Variants in TTLL5 observed in about 807,000 individuals in gnomAD.
TTLL5 encodes the protein tubulin polyglutamylase TTLL5.
Under a neutral mutation model 168.4 loss-of-function variants are expected in TTLL5, and 132 were observed. That is an observed-to-expected ratio of 0.78 (90% CI 0.68 to 0.91). The LOEUF (loss-of-function observed/expected upper bound fraction) is 0.91. Among genes scored for constraint, TTLL5 ranks in the 40% least tolerant of loss-of-function variants. TTLL5 has a pLI of 0.00. For missense variants in TTLL5, 1,545 were observed against 1,581.5 expected (o/e 0.98, Z 0.39); for synonymous variants, 546 against 558.6 (o/e 0.98, Z 0.32).
intron 28 of TTLL5, among the ~76,000 whole-genome samples, chr14:75,856,645 G>A (rs1487240068): frequency 2.2e-5 from 1 of 45,788 alleles, no homozygotes; most frequent in Non-Finnish European, 4.4e-5. Context: ...TTTTTTTTTT[G>A]AGACAGAGTC....
At chr14:75,751,609 C>T (rs1889957783) in intron 17 of TTLL5, among the ~76,000 whole-genome samples, 1 of 152,092 alleles carries the variant, frequency 6.6e-6, no homozygotes, top group South Asian at 2.1e-4. Flanking sequence ...TGGAATTTTC[C>T]ATGTAATATT....
intron 27 of TTLL5, among the ~76,000 whole-genome samples, chr14:75,813,139 A>G (rs1282259604): frequency 1.3e-5 from 2 of 152,108 alleles, no homozygotes; most frequent in Non-Finnish European, 1.5e-5. Context: ...ACCTGTCTTG[A>G]AGACTAAGTA....
chr14:75,766,986 A>G (rs1328075816), intron 20 of TTLL5, among the ~76,000 whole-genome samples: 3 of 152,036 alleles, frequency 2.0e-5, no homozygotes. Context: ...CAACATGGAG[A>G]AACCCTGTCT....
chr14:75,861,247 T>C (rs981871554), intron 28 of TTLL5, among the ~76,000 whole-genome samples: 1 of 152,132 alleles, frequency 6.6e-6, no homozygotes, highest in Non-Finnish European at 1.5e-5. Context: ...GGTGAGATTA[T>C]GGGATAGAAA....
chr14:75,695,218 C>T (rs1009494540), intron 6 of TTLL5, among the ~76,000 whole-genome samples: 7 of 152,198 alleles, frequency 4.6e-5, no homozygotes, highest in African/African-American at 1.2e-4. Context: ...CTGTCTTAGA[C>T]GGTTGAAGAT....
At chr14:75,789,558 C>G (rs1892568966) in intron 26 of TTLL5, among the ~76,000 whole-genome samples, 1 of 152,032 alleles carries the variant, frequency 6.6e-6, no homozygotes, top group African/African-American at 2.4e-5. Flanking sequence ...CAGTGGCATT[C>G]AGTACAGTCA....
At position 75,719,753 on chromosome 14, in the gene TTLL5, G is replaced by A. The variant is rs148303540; in HGVS notation, c.861G>A (p.Val287=). ...GDYVSCDDPE[V]EDYGNKWSMS... is the part of the protein sequence containing the mutation. ...GTTTTAGTTGTGACGATCCAGAAGT[G>A]GAGGATTATGGAAACAAATGGAGCA... The change falls in exon 11 of 32, where the codon GTG becomes GTA. Residue 287 remains valine (V), a synonymous_variant. Coordinates refer to ENST00000298832, the MANE Select transcript of TTLL5 (RefSeq NM_015072.5). The A allele has an allele frequency of 1.2e-6, 2 of 1,611,248 alleles. No individual in the cohort carries two copies. The highest frequency in any genetic ancestry group is 1.7e-6 in the Non-Finnish European group (2 of 1,179,132).
At chr14:75,714,920 T>G (rs1887325296) in intron 9 of TTLL5, among the ~76,000 whole-genome samples, 1 of 152,232 alleles carries the variant, frequency 6.6e-6, no homozygotes, top group African/African-American at 2.4e-5. Flanking sequence ...ACATATACAC[T>G]TGTACATCTG....
At chr14:75,873,408 G>A (rs1409472478) in intron 29 of TTLL5, among the ~76,000 whole-genome samples, 2 of 152,078 alleles carry the variant, frequency 1.3e-5, no homozygotes, top group African/African-American at 2.4e-5. Flanking sequence ...GACTGAAACC[G>A]TACTCATTGA....
intron 27 of TTLL5, among the ~76,000 whole-genome samples, chr14:75,817,022 C>A (rs1894465502): frequency 7.3e-6 from 1 of 137,146 alleles, no homozygotes; most frequent in Non-Finnish European, 1.5e-5. Flanking sequence ...CGCTCTGTCG[C>A]CAGGCTGGAG....
Position 75,931,962 on chromosome 14 carries a change from A to T in TTLL5, c.3824-22462A>T, listed in dbSNP as rs1285925990. On this transcript the variant is annotated intron_variant, in intron 31 of 31. Transcript: ENST00000298832. The stretch of plus-strand genomic sequence containing the variant: ...AAAAGGATTGGGGATTATGTCATTC[A>T]CCTCTGTATCACCAGTGCTTTTCAT... 2.6e-5 allele frequency among the ~76,000 whole-genome samples: 4 copies of T among 152,136 alleles called. No individual in the cohort carries two copies. In the East Asian group the frequency reaches 7.7e-4, roughly 29 times the overall value.
chr14:75,822,241 A>G (rs548539410), intron 28 of TTLL5, among the ~76,000 whole-genome samples: 37 of 152,350 alleles, frequency 2.4e-4, no homozygotes, highest in East Asian at 5.8e-4. Context: ...AAGGATGACT[A>G]AGTTTAATGA....
At chr14:75,896,773 C>A (rs1319571166) in intron 30 of TTLL5, among the ~76,000 whole-genome samples, 3 of 152,070 alleles carry the variant, frequency 2.0e-5, no homozygotes, top group African/African-American at 7.2e-5. Context: ...ACAGAGGAAA[C>A]CACAAATAAA....
chr14:75,715,846 G>A (rs1887414306), intron 9 of TTLL5, among the ~76,000 whole-genome samples: 1 of 150,786 alleles, frequency 6.6e-6, no homozygotes, highest in Non-Finnish European at 1.5e-5. Context: ...TTGAAAAAAA[G>A]AATATAGGAA....
Position 75,735,250 on chromosome 14 carries a change from C to G in TTLL5, c.1242C>G (p.Thr414=), listed in dbSNP as rs1483418312. The change falls in exon 15 of 32, where the codon ACC becomes ACG. Residue 414 remains threonine, a synonymous_variant. Coordinates refer to ENST00000298832, the MANE Select transcript of TTLL5 (RefSeq NM_015072.5). ...QRASTRPIYP[T]FESSRRNPFQ... ...CATCAACTCGGCCAATTTATCCCAC[C>G]TTTGAGTCTTCCAGGCGAAACCCTT... 1 of 1,614,208 alleles carries G rather than the reference C, an allele frequency of 6.2e-7. No individual in the cohort carries two copies. Among genetic ancestry groups the G allele is most frequent in the African/African-American group, 1.3e-5 (1 of 75,064 alleles).
chr14:75,858,720 A>G (rs2139924317), intron 28 of TTLL5, among the ~76,000 whole-genome samples: 1 of 152,332 alleles, frequency 6.6e-6, no homozygotes, highest in Middle Eastern at 3.4e-3. Flanking sequence ...TGTGAGTTTG[A>G]CATCTTCCTA....
intron 6 of TTLL5, among the ~76,000 whole-genome samples, chr14:75,697,875 G>A (rs1594888575): frequency 6.6e-6 from 1 of 152,220 alleles, no homozygotes; most frequent in Admixed American, 6.5e-5. Flanking sequence ...ATATCTTGGC[G>A]CACAGCAACC....
At chr14:75,715,587 G>A (rs1334378339) in intron 9 of TTLL5, among the ~76,000 whole-genome samples, 3 of 152,158 alleles carry the variant, frequency 2.0e-5, no homozygotes, top group South Asian at 4.1e-4. Context: ...TCTCTCCATA[G>A]TGTATGTTCC....
chr14:75,700,665 C>A (rs774914968), intron 7 of TTLL5, among the ~76,000 whole-genome samples: 2 of 152,200 alleles, frequency 1.3e-5, no homozygotes, highest in Non-Finnish European at 2.9e-5. Flanking sequence ...GCTTGGCCCT[C>A]TTCCACGTGT....
Sources: gnomAD v4.1 joint callset for allele counts (sites outside exome capture counted in the v4.1 genomes callset) on GRCh38, gnomAD v4.1.1 for gene constraint, MANE v1.5 for transcripts, NCBI Gene and HGNC (gene_info 2026-07-23, HGNC 2026-07-21) for gene names.